The following BTAF1 variants were observed in gnomAD, a reference collection of about 807,000 sequenced individuals.
BTAF1 encodes the protein TATA-binding protein-associated factor 172.
Under a neutral mutation model 227.1 loss-of-function variants are expected in BTAF1, and 38 were observed. The observed-to-expected ratio is 0.17, with a 90% CI of 0.13 to 0.22. The LOEUF is 0.22. BTAF1 is among the 10% of genes least tolerant of loss of function. BTAF1 has a pLI of 1.00. For missense variants in BTAF1, 1,598 were observed against 2,204.0 expected, an observed-to-expected ratio of 0.73 and a Z score of 5.51; for synonymous variants, 742 against 751.9, an observed-to-expected ratio of 0.99 and a Z score of 0.21.
chr10:91,996,354 A>G lies in BTAF1; in HGVS notation c.3310-15A>G. On this transcript the variant is annotated splice_polypyrimidine_tract_variant and intron_variant, in intron 23 of 37. Transcript: ENST00000265990. Reference sequence around the variant, plus strand: ...TTCCTAATAATTCTAATTGCCATTAACTTTTTGTTTTTAGTTGGTCCAGCA... The same window carrying G: ...TTCCTAATAATTCTAATTGCCATTAGCTTTTTGTTTTTAGTTGGTCCAGCA... The G allele has an allele frequency of 6.2e-7, 1 of 1,609,630 alleles. No individual in the cohort carries two copies. The highest frequency in any genetic ancestry group is 8.5e-7 in the Non-Finnish European group (1 of 1,176,632).
Position 92,024,745 on chromosome 10 carries a change from T to TTTTTTTTTTCTTCC in BTAF1, c.4864-10_4864-9insTTTTTTTTCTTCCT. Reference sequence around the variant, plus strand: ...AACGCTTATGTAGTTTTTTTTTTTTTTCTTCCTAAGTTGCTGTTGGACTGC... The same window carrying TTTTTTTTTTCTTCC: ...AACGCTTATGTAGTTTTTTTTTTTTTTTTTTTTTTCTTCCTCTTCCTAAGTTGCTGTTGGACTGC... On this transcript the variant is annotated splice_polypyrimidine_tract_variant and intron_variant, in intron 34 of 37. Transcript: ENST00000265990. 1 of 1,579,192 alleles carries TTTTTTTTTTCTTCC rather than the reference T, an allele frequency of 6.3e-7. No homozygotes were observed. Among genetic ancestry groups the TTTTTTTTTTCTTCC allele is most frequent in the Admixed American group, 2.0e-5 (1 of 51,210 alleles).
At chr10:91,965,318 C>T (rs1366957204) in intron 13 of BTAF1, among the ~76,000 whole-genome samples, 1 of 152,082 alleles carries the variant, frequency 6.6e-6, no homozygotes, top group East Asian at 1.9e-4. Flanking sequence ...TAATCTTTTT[C>T]TGCAAAGGCC....
intron 19 of BTAF1, among the ~76,000 whole-genome samples, chr10:91,985,178 C>A (rs912589871): frequency 6.6e-6 from 1 of 151,908 alleles, no homozygotes; most frequent in African/African-American, 2.4e-5. Flanking sequence ...TATTCTAATT[C>A]CCCCCCGAAG....
chr10:92,025,553 T>C (rs1226280676), intron 35 of BTAF1, among the ~76,000 whole-genome samples: 2 of 151,988 alleles, frequency 1.3e-5, no homozygotes, highest in African/African-American at 4.8e-5. Context: ...ATGCCTGTAA[T>C]CCCAGCACTT....
rs565663017 is a variant in BTAF1 at position 91,925,940 on chromosome 10, C to G, written c.14+1850C>G. On this transcript the variant is annotated intron_variant, in intron 1 of 37. Coordinates refer to ENST00000265990, the MANE Select transcript of BTAF1 (RefSeq NM_003972.3). ...GCACTCTTTTTCTGTGGATTTTTTT[C>G]TCGTTCACTTTTTTAAAAGCCTGTC... Among the ~76,000 whole-genome samples the G allele has an allele frequency of 4.6e-5, 7 of 151,980 alleles. No individual in the cohort carries two copies. In the East Asian group the frequency reaches 1.4e-3, roughly 29 times the overall value.
chr10:91,960,456 TA>T (rs1344992724), intron 11 of BTAF1, among the ~76,000 whole-genome samples: 1 of 152,222 alleles, frequency 6.6e-6, no homozygotes, highest in Admixed American at 6.5e-5. Context: ...TTAACTCATT[TA>T]AATATTGAAT....
chr10:91,962,227 TA>T (rs1846575098), intron 11 of BTAF1, among the ~76,000 whole-genome samples: 1 of 152,204 alleles, frequency 6.6e-6, no homozygotes, highest in Non-Finnish European at 1.5e-5. Flanking sequence ...ATCATTTTGT[TA>T]GTAGCTGCCT....
intron 8 of BTAF1, 42 bp downstream of exon 8, chr10:91,957,335 G>A (rs1380550667): frequency 6.6e-7 from 1 of 1,514,116 alleles, no homozygotes. Context: ...TCTATTTTCT[G>A]TGCTAATGAA....
intron 34 of BTAF1, among the ~76,000 whole-genome samples, chr10:92,021,467 A>G (rs1294855535): frequency 6.6e-6 from 1 of 152,196 alleles, no homozygotes; most frequent in African/African-American, 2.4e-5. Flanking sequence ...ATTAATAACT[A>G]TATAACGGCC....
chr10:91,930,376 C>T (rs1844189870), intron 1 of BTAF1, among the ~76,000 whole-genome samples: 1 of 152,088 alleles, frequency 6.6e-6, no homozygotes, highest in Admixed American at 6.6e-5. Context: ...TGAGTGCTTT[C>T]TATGTTATAG....
intron 19 of BTAF1, 71 bp downstream of exon 19, chr10:91,984,475 G>GT: frequency 7.5e-7 from 1 of 1,332,544 alleles, no homozygotes; most frequent in Non-Finnish European, 1.0e-6. Context: ...GTCATGACAT[G>GT]TTTATCACAA....
intron 1 of BTAF1, 51 bp from the exon 2 acceptor site, chr10:91,935,606 A>G: frequency 1.9e-6 from 3 of 1,596,730 alleles, no homozygotes; most frequent in Non-Finnish European, 1.7e-6. Flanking sequence ...TTAAACTTGT[A>G]CATACGAGGA....
intron 37 of BTAF1, among the ~76,000 whole-genome samples, chr10:92,028,323 G>GACTGTAA (rs1851665782): frequency 6.6e-6 from 1 of 152,126 alleles, no homozygotes; most frequent in African/African-American, 2.4e-5. Context: ...TTTGAAAACA[G>GACTGTAA]ACTGTATATT....
Position 92,020,117 on chromosome 10 carries a change from A to T in BTAF1, c.4863+1182A>T, listed in dbSNP as rs538064054. 5.1e-4 allele frequency among the ~76,000 whole-genome samples: 78 copies of T among 152,032 alleles called. No individual in the cohort carries two copies. The South Asian group carries it at 0.015, about 29-fold the overall frequency. ...CTATAGGTTATCTTTTTACTTCTTG[A>T]TAATGTCTTCCATGGTTTCTGATGA... On this transcript the variant is annotated intron_variant, in intron 34 of 37. Transcript: ENST00000265990.
chr10:91,960,299 T>G lies in BTAF1; in HGVS notation c.1263+145T>G, dbSNP rs1486060076. 1.3e-5 allele frequency: 10 copies of G among 774,832 alleles called. No homozygotes were observed. The East Asian group carries it at 2.6e-4, about 20-fold the overall frequency. The allele number at this position is 774,832 out of a possible 1,614,324, so 48.0% of individuals were successfully genotyped here. On this transcript the variant is annotated intron_variant, in intron 11 of 37. Coordinates refer to ENST00000265990, the MANE Select transcript of BTAF1 (RefSeq NM_003972.3). ...GATTTGCCGTCTTGAGAGAGTGTCA[T>G]AGAGATAGGTGGCGCTCATAAGAAT...
intron 14 of BTAF1, among the ~76,000 whole-genome samples, chr10:91,977,054 G>T (rs1279482980): frequency 6.6e-6 from 1 of 152,170 alleles, no homozygotes; most frequent in African/African-American, 2.4e-5. Flanking sequence ...GAAAATAAGG[G>T]TAAGAGTCAG....
chr10:91,949,818 C>T (rs1198770584), intron 4 of BTAF1, among the ~76,000 whole-genome samples: 1 of 152,108 alleles, frequency 6.6e-6, no homozygotes, highest in Non-Finnish European at 1.5e-5. Context: ...ACTCTCTTCT[C>T]ATTCTTCAAG....
At chr10:91,985,211 A>C (rs1425508001) in intron 19 of BTAF1, among the ~76,000 whole-genome samples, 1 of 152,142 alleles carries the variant, frequency 6.6e-6, no homozygotes, top group African/African-American at 2.4e-5. Flanking sequence ...TGCCTGTTCT[A>C]GAATTTCATG....
intron 25 of BTAF1, among the ~76,000 whole-genome samples, chr10:92,004,572 A>G (rs1849753277): frequency 6.6e-6 from 1 of 151,996 alleles, no homozygotes; most frequent in South Asian, 2.1e-4. Flanking sequence ...GGCTCAAGTG[A>G]TCTTTCCACC....
Sources: gnomAD v4.1 joint callset for allele counts (sites outside exome capture counted in the v4.1 genomes callset) on GRCh38, gnomAD v4.1.1 for gene constraint, MANE v1.5 for transcripts, NCBI Gene and HGNC (gene_info 2026-07-23, HGNC 2026-07-21) for gene names.